SLC25A35: variants seen among roughly 807,000 people sequenced by gnomAD.
SLC25A35 encodes the protein solute carrier family 25, member 35.
In SLC25A35, 32 loss-of-function variants were observed where a neutral mutation model predicts 30.5. The observed-to-expected ratio is 1.05, with a 90% CI of 0.79 to 1.41. The LOEUF (loss-of-function observed/expected upper bound fraction) is 1.41, where lower values mean the gene tolerates loss of function less well. Among genes scored for constraint, SLC25A35 ranks in the 40% most tolerant of loss-of-function variants. SLC25A35 has a pLI of 0.00. For missense variants in SLC25A35, 369 were observed against 388.0 expected (o/e 0.95, Z 0.41); for synonymous variants, 142 against 158.1 (o/e 0.90, Z 0.77).
rs533458158 is a variant in SLC25A35, at chr17:8,291,405, G to A, written c.522C>T (p.Pro174=). The change falls in exon 3 of 5, where the codon CCC becomes CCT. Residue 174 remains proline, a synonymous_variant. Transcript: ENST00000577745. ...GGGTGGAGGAACCGACGATAACTCG[G>A]GGCAGGCCGCCCAGAGCCCCACGCC... ...GLWRGALGGL[P]RVIVGSSTQL... is the part of the protein sequence containing the mutation. The A allele has an allele frequency of 5.0e-6, 8 of 1,614,200 alleles. No individual in the cohort carries two copies. The East Asian group carries it at 6.7e-5, about 13-fold the overall frequency.
chr17:8,289,185 G>C, downstream of SLC25A35: 2 of 1,603,348 alleles, frequency 1.2e-6, no homozygotes, highest in East Asian at 2.2e-5. Context: ...CCGGGAGCCA[G>C]GCCTGCAACT....
intron 3 of SLC25A35, 52 bp from the exon 4 acceptor site, chr17:8,291,028 A>C: frequency 6.2e-7 from 1 of 1,607,964 alleles, no homozygotes; most frequent in Non-Finnish European, 8.5e-7. Flanking sequence ...ATTACACCCC[A>C]AGGACAGGAC....
At chr17:8,289,041 C>T, downstream of SLC25A35, 5 of 1,613,966 alleles carry the variant, frequency 3.1e-6, no homozygotes, top group Middle Eastern at 1.6e-4. Context: ...TCTCGAGCTG[C>T]AGGCCCACGT....
chr17:8,292,137 G>T (rs373714044), intron 2 of SLC25A35, among the ~76,000 whole-genome samples: 1 of 152,168 alleles, frequency 6.6e-6, no homozygotes, highest in East Asian at 1.9e-4. Context: ...AGCCAAGACT[G>T]CGCCACTGCA....
At chr17:8,289,171 C>CG (rs1990278273), downstream of SLC25A35, 5 of 1,600,934 alleles carry the variant, frequency 3.1e-6, no homozygotes, top group African/African-American at 6.7e-5. Flanking sequence ...AGACCACGCA[C>CG]GGGCCGGGAG....
chr17:8,291,843 A>T (rs1224337360), intron 2 of SLC25A35, among the ~76,000 whole-genome samples: 3 of 152,236 alleles, frequency 2.0e-5, no homozygotes, highest in East Asian at 3.9e-4. Context: ...TGAGGTCAGG[A>T]GTTTGAGACC....
downstream of SLC25A35, chr17:8,288,697 TG>T: frequency 7.1e-7 from 1 of 1,408,630 alleles, no homozygotes; most frequent in South Asian, 1.2e-5. Context: ...CGGGTGGCGG[TG>T]GCAGCTGCGA....
chr17:8,290,335 A>G lies in SLC25A35; in HGVS notation c.*170T>C. 7.0e-7 allele frequency: 1 copy of G among 1,434,510 alleles called. No homozygotes were observed. The highest frequency in any genetic ancestry group is 1.5e-5 in the South Asian group (1 of 66,364). The allele number at this position is 1,434,510 out of a possible 1,614,324, so 88.9% of individuals were successfully genotyped here. A position where few individuals can be genotyped will look rare whatever the true frequency, so the allele number is the denominator to read the frequency against. On this transcript the variant is annotated 3_prime_UTR_variant, in exon 5 of 5. Coordinates refer to ENST00000577745, the MANE Select transcript of SLC25A35 (RefSeq NM_001320870.2). Reference sequence around the variant, plus strand: ...GTTTAAAGCAACACCCAAGGAAAGAAGGGAAACTCATCTCTTGTAGTGATT... The same window carrying G: ...GTTTAAAGCAACACCCAAGGAAAGAGGGGAAACTCATCTCTTGTAGTGATT...
Position 8,290,155 on chromosome 17 carries a change from G to C in SLC25A35, c.*350C>G, listed in dbSNP as rs11245. 9.0e-6 allele frequency: 13 copies of C among 1,439,948 alleles called. No homozygotes were observed. The highest frequency in any genetic ancestry group is 1.2e-5 in the Non-Finnish European group (13 of 1,100,964). 89.2% of individuals were successfully genotyped at this position (1,439,948 alleles called of 1,614,324 possible). On this transcript the variant is annotated 3_prime_UTR_variant, in exon 5 of 5. Transcript: ENST00000577745. ...CAGACGCCTGGGAATTGGGTCTCTCGATTCCCTTTGGTTTTGGAGGGAGGA... is the reference window on the plus strand; with the variant it reads ...CAGACGCCTGGGAATTGGGTCTCTCCATTCCCTTTGGTTTTGGAGGGAGGA...
chr17:8,288,454 A>G (rs1298126908), downstream of SLC25A35: 2 of 407,942 alleles, frequency 4.9e-6, no homozygotes, highest in Non-Finnish European at 9.2e-6. Context: ...TCAATCAATC[A>G]ATCAATCAAG....
In SLC25A35 at chr17:8,292,514, A is replaced by G; in HGVS notation, c.441+9T>C. On this transcript the variant is annotated intron_variant, in intron 2 of 4. Coordinates refer to ENST00000577745, the MANE Select transcript of SLC25A35 (RefSeq NM_001320870.2). ...GGTCAGGGACTTTGGCAGACTTGGG[A>G]ACCCTCACCTGATGCTTATACTGGT... The G allele has an allele frequency of 6.2e-7, 1 of 1,613,882 alleles. No individual in the cohort carries two copies. Among genetic ancestry groups the G allele is most frequent in the Non-Finnish European group, 8.5e-7 (1 of 1,179,884 alleles).
At chr17:8,290,752 A>G (rs574864354) in intron 4 of SLC25A35, 74 bp from the exon 5 acceptor site, 1 of 1,603,114 alleles carries the variant, frequency 6.2e-7, no homozygotes, top group East Asian at 2.2e-5. Context: ...CAGCACCTCT[A>G]CAGGCTGCAT....
chr17:8,291,641 G>C (rs1234123753), intron 2 of SLC25A35, among the ~76,000 whole-genome samples, 156 bp from the exon 3 acceptor site: 1 of 152,222 alleles, frequency 6.6e-6, no homozygotes, highest in African/African-American at 2.4e-5. Context: ...TGGTTGTCTA[G>C]CCACCCCATT....
Position 8,292,501 on chromosome 17 carries a change from T to C in SLC25A35, c.441+22A>G, listed in dbSNP as rs1465167680. ...AAAGAGAAAGGATGGTCAGGGACTT[T>C]GGCAGACTTGGGAACCCTCACCTGA... On this transcript the variant is annotated intron_variant, in intron 2 of 4. Transcript: ENST00000577745. 4.3e-6 allele frequency: 7 copies of C among 1,613,072 alleles called. No homozygotes were observed. In the African/African-American group the frequency reaches 5.3e-5, roughly 12 times the overall value.
chr17:8,294,686 C>T lies in SLC25A35; in HGVS notation c.122G>A (p.Arg41Gln), dbSNP rs531429444. ...GGCATGGAAGACATTTCGGTAGTGC[C>T]GCTGGTATGTGCCAGGGGCCTGCAG... Reference protein sequence around the residue: ...GELQAPGTYQRHYRNVFHAFI... With the variant: ...GELQAPGTYQQHYRNVFHAFI... The change falls in exon 1 of 5, where the codon CGG becomes CAG. Residue 41 changes from arginine to glutamine, a missense_variant. Transcript: ENST00000577745. The T allele has an allele frequency of 1.2e-6, 2 of 1,614,180 alleles. No individual in the cohort carries two copies. The highest frequency in any genetic ancestry group is 1.6e-4 in the Middle Eastern group (1 of 6,062).
chr17:8,295,376 GCCGGGCCGCCACACT>G lies in SLC25A35; in HGVS notation c.-584_-570del. 23 of 985,458 alleles carry G rather than the reference GCCGGGCCGCCACACT, an allele frequency of 2.3e-5. No homozygotes were observed. The highest frequency in any genetic ancestry group is 2.8e-5 in the Non-Finnish European group (23 of 829,924). The allele number at this position is 985,458 out of a possible 1,614,324, so 61.0% of individuals were successfully genotyped here. A position where few individuals can be genotyped will look rare whatever the true frequency, so the allele number is the denominator to read the frequency against. On this transcript the variant is annotated 5_prime_UTR_variant, in exon 1 of 5. Transcript: ENST00000577745. ...CTTCAACCCCGGGTAGCCTGCGGAG[GCCGGGCCGCCACACT>G]CCTGCCACTGGAGCGCGGGGCCAAT...
chr17:8,295,039 T>A lies in SLC25A35; in HGVS notation c.-232A>T, dbSNP rs1053233940. On this transcript the variant is annotated 5_prime_UTR_variant, in exon 1 of 5. Coordinates refer to ENST00000577745, the MANE Select transcript of SLC25A35 (RefSeq NM_001320870.2). ...GGGAAGAGATAGAAATCTAGGAGAT[T>A]CTGGTGAGAAGCTTAAGGCAGGACC... 2 of 1,349,308 alleles carry A rather than the reference T, an allele frequency of 1.5e-6. No homozygotes were observed. Among genetic ancestry groups the A allele is most frequent in the African/African-American group, 3.0e-5 (2 of 67,298 alleles). The allele number at this position is 1,349,308 out of a possible 1,614,324, so 83.6% of individuals were successfully genotyped here.
chr17:8,295,251 C>A lies in SLC25A35; in HGVS notation c.-444G>T. 3 of 989,500 alleles carry A rather than the reference C, an allele frequency of 3.0e-6. No individual in the cohort carries two copies. The highest frequency in any genetic ancestry group is 3.6e-6 in the Non-Finnish European group (3 of 832,704). The allele number at this position is 989,500 out of a possible 1,614,324, so 61.3% of individuals were successfully genotyped here. On this transcript the variant is annotated 5_prime_UTR_variant, in exon 1 of 5. Coordinates refer to ENST00000577745, the MANE Select transcript of SLC25A35 (RefSeq NM_001320870.2). ...CCGGGAGAAGAGCCGGTGATTTCCT[C>A]GAGCCAGCAACGAGATCTCGATCCG...
At chr17:8,289,437 T>A, downstream of SLC25A35, 1 of 1,614,016 alleles carries the variant, frequency 6.2e-7, no homozygotes, top group South Asian at 1.1e-5. Flanking sequence ...GAGTGTGTAA[T>A]GTCCTGGAAG....
Sources: gnomAD v4.1 joint callset for allele counts (sites outside exome capture counted in the v4.1 genomes callset) on GRCh38, gnomAD v4.1.1 for gene constraint, MANE v1.5 for transcripts, NCBI Gene and HGNC (gene_info 2026-07-23, HGNC 2026-07-21) for gene names.